The following SLC6A11 variants were observed in gnomAD, a reference collection of about 807,000 sequenced individuals.
SLC6A11 encodes the protein solute carrier family 6 member 11, also known as sodium- and chloride-dependent GABA transporter 3.
In SLC6A11, 25 loss-of-function variants were observed where a neutral mutation model predicts 74.8. The ratio of observed to expected loss-of-function variants is 0.33; its 90% CI spans 0.24 to 0.47. The LOEUF (loss-of-function observed/expected upper bound fraction) is 0.47, where lower values mean the gene tolerates loss of function less well. Ranked by LOEUF, SLC6A11 falls within the 20% of genes least tolerant of loss-of-function variation. SLC6A11 has a pLI of 1.00. For missense variants in SLC6A11, 574 were observed against 837.0 expected (o/e 0.69, Z 3.88); for synonymous variants, 330 against 330.2 (o/e 1.00, Z 0.01).
intron 4 of SLC6A11, among the ~76,000 whole-genome samples, chr3:10,842,872 A>G (rs1409292755): frequency 2.0e-5 from 3 of 152,060 alleles, no homozygotes; most frequent in Admixed American, 1.3e-4. Context: ...CTGGGGCTGG[A>G]GGGAGCCTGT....
intron 6 of SLC6A11, among the ~76,000 whole-genome samples, chr3:10,890,474 G>A (rs894755654): frequency 2.0e-5 from 3 of 152,250 alleles, no homozygotes; most frequent in African/African-American, 4.8e-5. Context: ...GGGTTGGGAG[G>A]AAAGGGTCTA....
At chr3:10,817,356 T>A (rs1694077256) in intron 1 of SLC6A11, among the ~76,000 whole-genome samples, 2 of 152,302 alleles carry the variant, frequency 1.3e-5, no homozygotes, top group South Asian at 4.1e-4. Context: ...GAGTCCTTTC[T>A]GGTGACAGCC....
intron 4 of SLC6A11, among the ~76,000 whole-genome samples, chr3:10,841,193 T>C (rs563163794): frequency 6.6e-6 from 1 of 152,192 alleles, no homozygotes; most frequent in African/African-American, 2.4e-5. Context: ...CCCTGAACAG[T>C]GTCGGGGGAG....
intron 5 of SLC6A11, among the ~76,000 whole-genome samples, chr3:10,852,344 C>T (rs1407899214): frequency 6.6e-6 from 1 of 152,256 alleles, no homozygotes; most frequent in Non-Finnish European, 1.5e-5. Context: ...GCACTTCTCA[C>T]ACCACTGTGG....
intron 7 of SLC6A11, among the ~76,000 whole-genome samples, chr3:10,916,489 A>G (rs1695455576): frequency 6.6e-6 from 1 of 152,214 alleles, no homozygotes; most frequent in African/African-American, 2.4e-5. Flanking sequence ...CCAAGGTCCA[A>G]GCCAGGCTCA....
chr3:10,915,197 G>A lies in SLC6A11; in HGVS notation c.995+3004G>A, dbSNP rs1390461026. Among the ~76,000 whole-genome samples, 2 of 152,060 alleles carry A rather than the reference G, an allele frequency of 1.3e-5. No homozygotes were observed. Among genetic ancestry groups the A allele is most frequent in the African/African-American group, 2.4e-5 (1 of 41,394 alleles). On this transcript the variant is annotated intron_variant, in intron 7 of 13. Coordinates refer to ENST00000254488, the MANE Select transcript of SLC6A11 (RefSeq NM_014229.3). The surrounding 1 kb of genome is among the most constrained non-coding windows in gnomAD (Gnocchi z 4.3). ...CAGCTCTTTCCCAGCTACTGGAGTTGAAGAGGGTTTGGCCAAAACTGCCTT... is the reference window on the plus strand; with the variant it reads ...CAGCTCTTTCCCAGCTACTGGAGTTAAAGAGGGTTTGGCCAAAACTGCCTT...
At chr3:10,934,247 C>A (rs190432400) in intron 12 of SLC6A11, 81 bp downstream of exon 12, 2 of 975,650 alleles carry the variant, frequency 2.0e-6, no homozygotes, top group Non-Finnish European at 3.3e-6. Context: ...CCGTAGCCCC[C>A]ACCCTGGCCG....
chr3:10,881,076 G>A (rs1225338522), intron 6 of SLC6A11, among the ~76,000 whole-genome samples: 2 of 152,178 alleles, frequency 1.3e-5, no homozygotes, highest in Non-Finnish European at 2.9e-5. Context: ...GAGTACCAGA[G>A]CCTGTGAACG....
chr3:10,830,545 GA>G (rs759017637), intron 4 of SLC6A11, among the ~76,000 whole-genome samples: 47 of 152,202 alleles, frequency 3.1e-4, no homozygotes, highest in Non-Finnish European at 6.0e-4. Context: ...GGATTAAGTT[GA>G]GATCAGTTTC....
At chr3:10,870,566 G>C (rs186435844) in intron 5 of SLC6A11, among the ~76,000 whole-genome samples, 33 of 152,300 alleles carry the variant, frequency 2.2e-4, no homozygotes, top group Admixed American at 1.8e-3. Context: ...GAATCTGTAT[G>C]GTTTTGACAA....
intron 13 of SLC6A11, among the ~76,000 whole-genome samples, chr3:10,936,752 A>T (rs1385008114): frequency 1.3e-5 from 2 of 152,202 alleles, no homozygotes; most frequent in African/African-American, 4.8e-5. Context: ...TGACCACTGG[A>T]AGACCCCTGC....
rs1359310803 is a variant in SLC6A11, at chr3:10,915,264, C to A, written c.996-3065C>A. On this transcript the variant is annotated intron_variant, in intron 7 of 13. Coordinates refer to ENST00000254488, the MANE Select transcript of SLC6A11 (RefSeq NM_014229.3). The surrounding 1 kb of genome is among the most constrained non-coding windows in gnomAD (Gnocchi z 4.3). ...TTGGGGCAGTGGCAGCTTCATTCCC[C>A]ACTGAGTGCGTGGAGGATGTATGCT... Among the ~76,000 whole-genome samples, 1 of 152,142 alleles carries A rather than the reference C, an allele frequency of 6.6e-6. No individual in the cohort carries two copies. The highest frequency in any genetic ancestry group is 6.5e-5 in the Admixed American group (1 of 15,274).
chr3:10,837,882 A>G (rs1169920441), intron 4 of SLC6A11, among the ~76,000 whole-genome samples: 1 of 152,236 alleles, frequency 6.6e-6, no homozygotes, highest in Non-Finnish European at 1.5e-5. Flanking sequence ...TTCCTGGAGA[A>G]GTGAGAGCAG....
At chr3:10,850,492 AAG>A (rs1315076892) in intron 5 of SLC6A11, among the ~76,000 whole-genome samples, 1 of 152,146 alleles carries the variant, frequency 6.6e-6, no homozygotes, top group Non-Finnish European at 1.5e-5. Flanking sequence ...CAAGCAACAT[AAG>A]TATAGTGAGA....
intron 10 of SLC6A11, 116 bp from the exon 11 acceptor site, chr3:10,933,035 C>G (rs1295374884): frequency 2.3e-5 from 17 of 726,768 alleles, no homozygotes; most frequent in Admixed American, 1.1e-4. Flanking sequence ...GAAACAGATT[C>G]CTGGCAGTGG....
chr3:10,826,790 C>G (rs1694215841), intron 4 of SLC6A11, among the ~76,000 whole-genome samples: 1 of 152,218 alleles, frequency 6.6e-6, no homozygotes. Context: ...TCTCACCCAA[C>G]AGCATTGATT....
intron 5 of SLC6A11, among the ~76,000 whole-genome samples, chr3:10,868,737 A>G (rs1694793731): frequency 6.6e-6 from 1 of 152,244 alleles, no homozygotes; most frequent in Non-Finnish European, 1.5e-5. Flanking sequence ...CAAATGCTGC[A>G]TAGTTCAGCA....
At chr3:10,856,553 A>G (rs1237556129) in intron 5 of SLC6A11, among the ~76,000 whole-genome samples, 1 of 152,234 alleles carries the variant, frequency 6.6e-6, no homozygotes, top group Non-Finnish European at 1.5e-5. Context: ...AGGGTCACAC[A>G]GTTGGTGGAG....
At position 10,873,548 on chromosome 3, in the gene SLC6A11, TCCTACCCTAC is replaced by T. The variant is rs1178459471; in HGVS notation, c.757-1387_757-1378del. 2.7e-4 allele frequency among the ~76,000 whole-genome samples: 37 copies of T among 139,372 alleles called. No individual in the cohort carries two copies. The East Asian group carries it at 6.5e-3, about 25-fold the overall frequency. The allele number at this position is 139,372 out of a possible 152,430, so 91.4% of individuals were successfully genotyped here. A position where few individuals can be genotyped will look rare whatever the true frequency, so the allele number is the denominator to read the frequency against. On this transcript the variant is annotated intron_variant, in intron 5 of 13. Transcript: ENST00000254488. ...TCCTATCCTGTCCTATCCTATCCTA[TCCTACCCTAC>T]CCTACCCTACCCTACCCTACCCTAC...
Sources: allele counts gnomAD v4.1 joint callset (sites outside exome capture counted in the v4.1 genomes callset), GRCh38; gene constraint gnomAD v4.1.1; non-coding constraint Gnocchi (gnomAD v3.1); transcripts MANE v1.5; gene names NCBI Gene and HGNC (gene_info 2026-07-23, HGNC 2026-07-21).